NRP2: variants seen among roughly 807,000 people sequenced by gnomAD.
The protein encoded by NRP2 is neuropilin-2.
NRP2 carries 52 observed loss-of-function variants against 110.4 expected under a neutral mutation model. The observed-to-expected ratio is 0.47, with a 90% CI of 0.38 to 0.59. The LOEUF is 0.59. Ranked by LOEUF, NRP2 falls within the 20% of genes least tolerant of loss-of-function variation. NRP2 has a pLI of 0.00. For missense variants in NRP2, 1,049 were observed against 1,203.0 expected (o/e 0.87, Z 1.89); for synonymous variants, 508 against 468.9 (o/e 1.08, Z -1.08).
At chr2:205,700,847 G>A (rs2056538434) in intron 2 of NRP2, 1 of 467,308 alleles carries the variant, frequency 2.1e-6, no homozygotes, top group Admixed American at 2.3e-5. Context: ...GGCACCCACA[G>A]GCTGTTTGGG....
At chr2:205,695,994 T>C (rs1229784080) in intron 1 of NRP2, among the ~76,000 whole-genome samples, 2 of 152,142 alleles carry the variant, frequency 1.3e-5, no homozygotes, top group South Asian at 2.1e-4. Flanking sequence ...GATGATGTGC[T>C]GTGTACCAGC....
chr2:205,727,989 G>A lies in NRP2; in HGVS notation c.1089G>A (p.Leu363=). Residue 363 remains leucine (L), a synonymous_variant, in exon 7 of 17, where the codon CTG becomes CTA. Coordinates refer to ENST00000357785, the MANE Select transcript of NRP2 (RefSeq NM_003872.3). ...GCTACTATGTCAAATCCTACAAGCT[G>A]GAAGTCAGCACTAATGGAGAGGACT... ...QNGYYVKSYK[L]EVSTNGEDWM... 6.2e-7 allele frequency: 1 copy of A among 1,614,142 alleles called. No homozygotes were observed. The highest frequency in any genetic ancestry group is 8.5e-7 in the Non-Finnish European group (1 of 1,180,034).
intron 3 of NRP2, among the ~76,000 whole-genome samples, chr2:205,721,793 C>A (rs1161053108): frequency 6.6e-6 from 1 of 152,196 alleles, no homozygotes; most frequent in Non-Finnish European, 1.5e-5. Flanking sequence ...GTTGCCGGAG[C>A]GGCCTTTAAC....
intron 1 of NRP2, among the ~76,000 whole-genome samples, chr2:205,689,681 C>T (rs1389773436): frequency 1.3e-5 from 2 of 152,014 alleles, no homozygotes; most frequent in Non-Finnish European, 2.9e-5. Flanking sequence ...TTTTTCCCTC[C>T]TTCTTCCTCT....
intron 1 of NRP2, among the ~76,000 whole-genome samples, chr2:205,694,749 G>A (rs2056388105): frequency 6.6e-6 from 1 of 152,176 alleles, no homozygotes; most frequent in South Asian, 2.1e-4. Flanking sequence ...AATTTCTATT[G>A]GGACATGTTT....
intron 11 of NRP2, among the ~76,000 whole-genome samples, chr2:205,750,815 T>A (rs3771016): frequency 6.6e-6 from 1 of 152,006 alleles, no homozygotes; most frequent in African/African-American, 2.4e-5. Context: ...CTGTGGAACC[T>A]GCAAGCACAG....
intron 16 of NRP2, among the ~76,000 whole-genome samples, chr2:205,794,168 T>A (rs887660619): frequency 2.6e-5 from 4 of 152,206 alleles, no homozygotes; most frequent in Admixed American, 1.3e-4. Context: ...TGGAGTGCAG[T>A]GGCGCAATCT....
chr2:205,716,567 G>A (rs1163842521), intron 3 of NRP2, among the ~76,000 whole-genome samples, 193 bp downstream of exon 3: 1 of 149,364 alleles, frequency 6.7e-6, no homozygotes. Flanking sequence ...TTAAGGGGGC[G>A]GGCTGTGGGC....
rs897854767 is a variant in NRP2 at position 205,795,166 on chromosome 2, G to C, written c.*108G>C. On this transcript the variant is annotated 3_prime_UTR_variant, in exon 17 of 17. Transcript: ENST00000357785. ...TGAATGCCATAATCTCGATCAAACC[G>C]ATCCAGAATACCGAAGGTATGGACA... 2.2e-5 allele frequency: 24 copies of C among 1,105,768 alleles called. No homozygotes were observed. Among genetic ancestry groups the C allele is most frequent in the Admixed American group, 2.0e-4 (10 of 50,420 alleles). 68.5% of individuals were successfully genotyped at this position (1,105,768 alleles called of 1,614,324 possible).
chr2:205,695,155 T>C (rs1403692971), intron 1 of NRP2, among the ~76,000 whole-genome samples: 1 of 152,222 alleles, frequency 6.6e-6, no homozygotes, highest in Non-Finnish European at 1.5e-5. Flanking sequence ...TCTAATGAGT[T>C]CTCTGATACT....
intron 7 of NRP2, among the ~76,000 whole-genome samples, chr2:205,733,201 A>T (rs1464999406): frequency 6.6e-6 from 1 of 152,190 alleles, no homozygotes; most frequent in East Asian, 1.9e-4. Flanking sequence ...ATTATACAGA[A>T]GCTTGAACCT....
At chr2:205,713,038 G>T (rs960558982) in intron 2 of NRP2, among the ~76,000 whole-genome samples, 2 of 152,158 alleles carry the variant, frequency 1.3e-5, no homozygotes, top group African/African-American at 2.4e-5. Context: ...TGTATTTGTT[G>T]CAGGCAGCAT....
chr2:205,711,915 G>A (rs1454047675), intron 2 of NRP2, among the ~76,000 whole-genome samples: 4 of 152,200 alleles, frequency 2.6e-5, no homozygotes, highest in Non-Finnish European at 4.4e-5. Flanking sequence ...GAAGTGTCAA[G>A]CGTGGAGACA....
At chr2:205,790,498 A>C (rs2058287121) in intron 15 of NRP2, among the ~76,000 whole-genome samples, 1 of 152,164 alleles carries the variant, frequency 6.6e-6, no homozygotes, top group Non-Finnish European at 1.5e-5. Flanking sequence ...TTGGCCCAGA[A>C]GTCACTGGCA....
chr2:205,689,820 G>A (rs698909), intron 1 of NRP2, among the ~76,000 whole-genome samples: 103,817 of 152,078 alleles, frequency 0.68, 35,840 homozygotes, highest in East Asian at 0.96. Context: ...TCTCCCGAAT[G>A]TGTAATAACT....
chr2:205,795,166 G>A lies in NRP2; in HGVS notation c.*108G>A, dbSNP rs897854767. On this transcript the variant is annotated 3_prime_UTR_variant, in exon 17 of 17. Transcript: ENST00000357785. ...TGAATGCCATAATCTCGATCAAACC[G>A]ATCCAGAATACCGAAGGTATGGACA... 1.5e-5 allele frequency: 17 copies of A among 1,105,764 alleles called. No homozygotes were observed. Among genetic ancestry groups the A allele is most frequent in the Admixed American group, 4.0e-5 (2 of 50,420 alleles). The allele number at this position is 1,105,764 out of a possible 1,614,324, so 68.5% of individuals were successfully genotyped here. A position where few individuals can be genotyped will look rare whatever the true frequency, so the allele number is the denominator to read the frequency against.
At chr2:205,776,462 C>A (rs1260984433) in intron 15 of NRP2, 1 of 1,612,404 alleles carries the variant, frequency 6.2e-7, no homozygotes, top group East Asian at 2.2e-5. Flanking sequence ...ACCAACGGGG[C>A]CCCTCTGGCG....
chr2:205,785,152 C>T (rs1353547761), intron 15 of NRP2, among the ~76,000 whole-genome samples: 7 of 152,182 alleles, frequency 4.6e-5, no homozygotes, highest in African/African-American at 1.7e-4. Context: ...ATAAAAGGGG[C>T]TATCTTTCAG....
At chr2:205,691,978 C>A (rs2056324426) in intron 1 of NRP2, among the ~76,000 whole-genome samples, 1 of 152,092 alleles carries the variant, frequency 6.6e-6, no homozygotes, top group African/African-American at 2.4e-5. Flanking sequence ...TCAAAAGGCC[C>A]CATTTCCAGA....
Sources: gnomAD v4.1 joint callset for allele counts (sites outside exome capture counted in the v4.1 genomes callset) on GRCh38, gnomAD v4.1.1 for gene constraint, MANE v1.5 for transcripts, NCBI Gene and HGNC (gene_info 2026-07-23, HGNC 2026-07-21) for gene names.